ATP6V1E1: variants seen among roughly 807,000 people sequenced by gnomAD.
ATP6V1E1 encodes the protein ATPase H+ transporting V1 subunit E1.
Under a neutral mutation model 35.2 loss-of-function variants are expected in ATP6V1E1, and 21 were observed. The ratio of observed to expected loss-of-function variants is 0.60; its 90% CI spans 0.42 to 0.86. ATP6V1E1 has a LOEUF of 0.86. Ranked by LOEUF, ATP6V1E1 falls within the 40% of genes least tolerant of loss-of-function variation. The probability of loss-of-function intolerance (pLI) is 0.00; values close to 1 mark genes in which losing one functional copy is unlikely to be tolerated. For missense variants in ATP6V1E1, 183 were observed against 272.6 expected (o/e 0.67, Z 2.32); for synonymous variants, 83 against 87.8 (o/e 0.95, Z 0.30).
chr22:17,618,703 A>T (rs1290601090), intron 2 of ATP6V1E1, among the ~76,000 whole-genome samples: 6 of 144,958 alleles, frequency 4.1e-5, no homozygotes, highest in Non-Finnish European at 6.1e-5. Context: ...AAAAAAAAAA[A>T]AAGTAAATAA....
intron 4 of ATP6V1E1, among the ~76,000 whole-genome samples, chr22:17,602,030 C>A (rs551165822): frequency 6.6e-6 from 1 of 152,288 alleles, no homozygotes; most frequent in East Asian, 1.9e-4. Flanking sequence ...TCAACCTCCT[C>A]AATATCTGGG....
chr22:17,596,055 C>T (rs887917362), intron 7 of ATP6V1E1, among the ~76,000 whole-genome samples: 18 of 151,998 alleles, frequency 1.2e-4, no homozygotes, highest in Non-Finnish European at 1.5e-4. Context: ...TGGTGTGAAC[C>T]TGGGAGGTGG....
In ATP6V1E1 at chr22:17,601,054, C is replaced by G. The variant is rs373162053; in HGVS notation, c.366+38G>C. 24 of 1,557,296 alleles carry G rather than the reference C, an allele frequency of 1.5e-5. No individual in the cohort carries two copies. In the African/African-American group the frequency reaches 3.0e-4, roughly 19 times the overall value. On this transcript the variant is annotated intron_variant, in intron 5 of 8. Coordinates refer to ENST00000253413, the MANE Select transcript of ATP6V1E1 (RefSeq NM_001696.4). ...ATAGGCATTCTAAATTTTCTCAGAA[C>G]TGTGGCTATCAACAGTAGATCTGGT...
intron 4 of ATP6V1E1, among the ~76,000 whole-genome samples, chr22:17,608,194 G>A (rs192101877): frequency 1.3e-5 from 2 of 152,152 alleles, no homozygotes; most frequent in Non-Finnish European, 2.9e-5. Context: ...AATTCAAACA[G>A]CTTAGTGCCT....
At chr22:17,597,208 C>T (rs2146295652) in intron 7 of ATP6V1E1, among the ~76,000 whole-genome samples, 1 of 151,140 alleles carries the variant, frequency 6.6e-6, no homozygotes. Context: ...TGCCACTGTA[C>T]TCCAGCCTGG....
chr22:17,616,338 A>T (rs2057844498), intron 2 of ATP6V1E1, among the ~76,000 whole-genome samples: 1 of 150,624 alleles, frequency 6.6e-6, no homozygotes, highest in South Asian at 2.1e-4. Context: ...ATAGAGGGAG[A>T]CTCCGTCTCA....
rs144686405 is a variant in ATP6V1E1, at chr22:17,599,526, G to A, written c.435+501C>T. ...GGGGGGGCAGAGGTTGCAGTGAGCC[G>A]AGATCGCACCATTGCACTCCAGCCT... On this transcript the variant is annotated intron_variant, in intron 6 of 8. Coordinates refer to ENST00000253413, the MANE Select transcript of ATP6V1E1 (RefSeq NM_001696.4). Among the ~76,000 whole-genome samples, 868 of 142,862 alleles carry A rather than the reference G, an allele frequency of 6.1e-3. 28 individuals are homozygous for A. In the East Asian group the frequency reaches 0.097, roughly 16 times the overall value. The allele number at this position is 142,862 out of a possible 152,430, so 93.7% of individuals were successfully genotyped here.
chr22:17,603,624 G>C (rs777027846), intron 4 of ATP6V1E1, among the ~76,000 whole-genome samples: 2 of 152,180 alleles, frequency 1.3e-5, no homozygotes, highest in African/African-American at 2.4e-5. Flanking sequence ...GCCAGCCTGG[G>C]CAACAGAGTG....
chr22:17,626,152 A>G (rs2057903391), intron 1 of ATP6V1E1, among the ~76,000 whole-genome samples: 1 of 151,708 alleles, frequency 6.6e-6, no homozygotes, highest in Admixed American at 6.6e-5. Flanking sequence ...TAAAAAATAG[A>G]AAAAATTAGC....
chr22:17,614,595 C>A (rs1226227862), intron 2 of ATP6V1E1, among the ~76,000 whole-genome samples: 1 of 151,602 alleles, frequency 6.6e-6, no homozygotes, highest in Non-Finnish European at 1.5e-5. Flanking sequence ...ATGCTTGAAC[C>A]CAGGAGGTGG....
At chr22:17,611,646 A>G (rs2057815985) in intron 4 of ATP6V1E1, among the ~76,000 whole-genome samples, 1 of 152,168 alleles carries the variant, frequency 6.6e-6, no homozygotes, top group Non-Finnish European at 1.5e-5. Context: ...CAGCATCTTG[A>G]CTTCCCATTT....
chr22:17,604,893 A>C (rs2057777923), intron 4 of ATP6V1E1, among the ~76,000 whole-genome samples: 1 of 151,990 alleles, frequency 6.6e-6, no homozygotes, highest in African/African-American at 2.4e-5. Flanking sequence ...TCAGAATTTA[A>C]ATGTTAATGC....
chr22:17,592,576 G>A lies in ATP6V1E1; in HGVS notation c.*98C>T. ...ATAAATACAGAGCAATACTGGGGCA[G>A]TGAAGAGGAAGCTACAGAGACATTC... is the stretch of plus-strand genomic sequence containing the variant. On this transcript the variant is annotated 3_prime_UTR_variant, in exon 9 of 9. Transcript: ENST00000253413. The A allele has an allele frequency of 1.6e-6, 2 of 1,263,524 alleles. No individual in the cohort carries two copies. The highest frequency in any genetic ancestry group is 1.2e-6 in the Non-Finnish European group (1 of 865,046). The allele number at this position is 1,263,524 out of a possible 1,614,324, so 78.3% of individuals were successfully genotyped here.
At chr22:17,593,010 G>C (rs2057712803) in intron 8 of ATP6V1E1, among the ~76,000 whole-genome samples, 1 of 151,846 alleles carries the variant, frequency 6.6e-6, no homozygotes, top group Admixed American at 6.6e-5. Context: ...GGATGGTCTC[G>C]ATCTCCTGAC....
At chr22:17,603,416 T>G (rs1402595988) in intron 4 of ATP6V1E1, among the ~76,000 whole-genome samples, 1 of 151,826 alleles carries the variant, frequency 6.6e-6, no homozygotes, top group Non-Finnish European at 1.5e-5. Flanking sequence ...CTAGGGAGGC[T>G]GAGGTGCAAG....
At chr22:17,615,813 G>A (rs1399917669) in intron 2 of ATP6V1E1, among the ~76,000 whole-genome samples, 4 of 151,634 alleles carry the variant, frequency 2.6e-5, no homozygotes, top group African/African-American at 9.7e-5. Context: ...TGGGCAGATC[G>A]TGAGGTCAGG....
intron 1 of ATP6V1E1, among the ~76,000 whole-genome samples, chr22:17,620,146 C>G (rs1033463404): frequency 6.9e-6 from 1 of 143,938 alleles, no homozygotes; most frequent in Non-Finnish European, 1.5e-5. Context: ...GCAACCTTCC[C>G]TTTGTTTTTT....
At chr22:17,616,034 AAAACAAACAAACAAAC>A (rs147264574) in intron 2 of ATP6V1E1, among the ~76,000 whole-genome samples, 12 of 147,864 alleles carry the variant, frequency 8.1e-5, no homozygotes, top group Admixed American at 3.4e-4. Flanking sequence ...TCCATCTCAA[AAAACAAACAAACAAAC>A]AAACAAACAA....
rs1288903341 is a variant in ATP6V1E1, at chr22:17,628,471, C to T, written c.33+132G>A. ...CCGTCCTCAGGCCGACCTCTTGGATCTGGTGACTTGGAGCAAGGGACCTTC... is the reference window on the plus strand; with the variant it reads ...CCGTCCTCAGGCCGACCTCTTGGATTTGGTGACTTGGAGCAAGGGACCTTC... On this transcript the variant is annotated intron_variant, in intron 1 of 8. Transcript: ENST00000253413. 4.7e-6 allele frequency: 6 copies of T among 1,274,882 alleles called. No individual in the cohort carries two copies. The Admixed American group carries it at 8.7e-5, about 18-fold the overall frequency. The allele number at this position is 1,274,882 out of a possible 1,614,324, so 79.0% of individuals were successfully genotyped here.
Sources: gnomAD v4.1 joint callset for allele counts (sites outside exome capture counted in the v4.1 genomes callset) on GRCh38, gnomAD v4.1.1 for gene constraint, MANE v1.5 for transcripts, NCBI Gene and HGNC (gene_info 2026-07-23, HGNC 2026-07-21) for gene names.